GALNT11: variants seen among roughly 807,000 people sequenced by gnomAD.
The protein encoded by GALNT11 is polypeptide N-acetylgalactosaminyltransferase 11, also known as UDP-GalNAc:polypeptide N-acetylgalactosaminyltransferase 11.
GALNT11 carries 47 observed loss-of-function variants against 72.7 expected under a neutral mutation model. The ratio of observed to expected loss-of-function variants is 0.65; its 90% CI spans 0.51 to 0.82. The LOEUF is 0.82. GALNT11 is among the 40% of genes least tolerant of loss of function. The pLI is 0.00. For missense variants in GALNT11, 677 were observed against 778.4 expected (o/e 0.87, Z 1.55); for synonymous variants, 270 against 286.6 (o/e 0.94, Z 0.58).
chr7:152,072,487 G>A (rs144122707), intron 1 of GALNT11, among the ~76,000 whole-genome samples: 22 of 152,262 alleles, frequency 1.4e-4, no homozygotes, highest in African/African-American at 5.1e-4. Context: ...TGTAGCAAAT[G>A]TGACAGAATA....
At chr7:152,039,189 C>A (rs1208969654) in intron 1 of GALNT11, among the ~76,000 whole-genome samples, 1 of 152,176 alleles carries the variant, frequency 6.6e-6, no homozygotes, top group Non-Finnish European at 1.5e-5. Flanking sequence ...CCTAGGGGAC[C>A]AATCAATTCC....
chr7:152,053,823 C>T (rs1268906396), intron 1 of GALNT11, among the ~76,000 whole-genome samples: 2 of 152,114 alleles, frequency 1.3e-5, no homozygotes, highest in Admixed American at 1.3e-4. Flanking sequence ...AATAAATAAA[C>T]CTTTTGTCTG....
Position 152,100,878 on chromosome 7 carries a change from C to G in GALNT11, c.376C>G (p.Arg126Gly). The change falls in exon 3 of 12, where the codon CGC becomes GGC. Residue 126 changes from arginine to glycine, a missense_variant. By Grantham distance (125) the Arg-to-Gly change is moderately radical. Coordinates refer to ENST00000430044, the MANE Select transcript of GALNT11 (RefSeq NM_022087.4). ...TGCTTTTAATATGCTTATCAGTGAC[C>G]GCTTGGGCTACCACAGAGATGTGCC... ...KHAFNMLISD[R>G]LGYHRDVPDT... 6.2e-7 allele frequency: 1 copy of G among 1,613,856 alleles called. No homozygotes were observed. Among genetic ancestry groups the G allele is most frequent in the East Asian group, 2.2e-5 (1 of 44,870 alleles).
intron 2 of GALNT11, among the ~76,000 whole-genome samples, chr7:152,095,264 A>G (rs117091536): frequency 1.3e-5 from 2 of 152,010 alleles, no homozygotes; most frequent in Non-Finnish European, 2.9e-5. Context: ...GAATACTGCA[A>G]TTTTAGAGTG....
intron 1 of GALNT11, among the ~76,000 whole-genome samples, chr7:152,091,333 C>G (rs555358631): frequency 1.4e-4 from 21 of 151,988 alleles, no homozygotes; most frequent in Non-Finnish European, 2.8e-4. Context: ...CTCCCCCTCC[C>G]GGGTTCAAGC....
At chr7:152,062,926 C>CT (rs1436578239) in intron 1 of GALNT11, among the ~76,000 whole-genome samples, 3 of 152,116 alleles carry the variant, frequency 2.0e-5, no homozygotes, top group Admixed American at 2.0e-4. Context: ...CTAAAATTCT[C>CT]TTTTTTTGTT....
At chr7:152,027,909 G>T (rs1177891027) in intron 1 of GALNT11, among the ~76,000 whole-genome samples, 1 of 117,156 alleles carries the variant, frequency 8.5e-6, no homozygotes, top group Non-Finnish European at 1.5e-5. Flanking sequence ...CTCCCAGTGG[G>T]TTCATGAGCT....
Position 152,120,858 on chromosome 7 carries a change from T to C in GALNT11, c.1585T>C (p.Leu529=). Residue 529 remains leucine, a synonymous_variant, in exon 11 of 12, where the codon TTG becomes CTG. Coordinates refer to ENST00000430044, the MANE Select transcript of GALNT11 (RefSeq NM_022087.4). Reference sequence around the variant, plus strand: ...CTGGATCTATAATGAAGAGCATGAATTGGTTTTAAATAGTCTCCTTTGTCT... The same window carrying C: ...CTGGATCTATAATGAAGAGCATGAACTGGTTTTAAATAGTCTCCTTTGTCT... ...QIWIYNEEHE[L]VLNSLLCLDM... The C allele has an allele frequency of 2.5e-6, 4 of 1,610,162 alleles. No individual in the cohort carries two copies. The highest frequency in any genetic ancestry group is 2.5e-6 in the Non-Finnish European group (3 of 1,176,716).
chr7:152,038,777 C>T (rs1165528049), intron 1 of GALNT11, among the ~76,000 whole-genome samples: 1 of 152,166 alleles, frequency 6.6e-6, no homozygotes, highest in African/African-American at 2.4e-5. Context: ...TGTTTTTCTC[C>T]ATTTGAATAG....
At chr7:152,087,335 T>A (rs2085714370) in intron 1 of GALNT11, among the ~76,000 whole-genome samples, 1 of 152,162 alleles carries the variant, frequency 6.6e-6, no homozygotes, top group Admixed American at 6.5e-5. Flanking sequence ...GTGAAAGAAG[T>A]CATCATGAAA....
At chr7:152,080,769 C>T (rs1383162909) in intron 1 of GALNT11, among the ~76,000 whole-genome samples, 1 of 151,942 alleles carries the variant, frequency 6.6e-6, no homozygotes, top group Non-Finnish European at 1.5e-5. Flanking sequence ...CAAGACCAGC[C>T]TGTCCAACAT....
At chr7:152,105,147 T>A (rs1224168279) in intron 4 of GALNT11, 98 bp from the exon 5 acceptor site, 2 of 1,309,990 alleles carry the variant, frequency 1.5e-6, no homozygotes, top group Non-Finnish European at 2.1e-6. Flanking sequence ...TAGTTTGTTG[T>A]AAATTTTAGC....
At chr7:152,068,723 T>G (rs1316539422) in intron 1 of GALNT11, among the ~76,000 whole-genome samples, 1 of 152,130 alleles carries the variant, frequency 6.6e-6, no homozygotes, top group Non-Finnish European at 1.5e-5. Context: ...CTTTTTTTGA[T>G]CTTTTTAAAG....
At chr7:152,100,294 G>A (rs1228337494) in intron 2 of GALNT11, among the ~76,000 whole-genome samples, 4 of 152,020 alleles carry the variant, frequency 2.6e-5, no homozygotes, top group Admixed American at 6.6e-5. Flanking sequence ...GTGGCCGGGC[G>A]TGGTGTCTCA....
intron 1 of GALNT11, among the ~76,000 whole-genome samples, chr7:152,060,967 A>G (rs911607980): frequency 2.0e-5 from 3 of 152,244 alleles, no homozygotes; most frequent in Non-Finnish European, 4.4e-5. Context: ...AGCATGATTT[A>G]TAATCCTTTG....
At chr7:152,030,391 T>G (rs886357992) in intron 1 of GALNT11, among the ~76,000 whole-genome samples, 16 of 152,156 alleles carry the variant, frequency 1.1e-4, no homozygotes, top group Admixed American at 3.3e-4. Context: ...TATGGCCTGG[T>G]TTTTCCTAGG....
chr7:152,099,814 G>T (rs1371122454), intron 2 of GALNT11, among the ~76,000 whole-genome samples: 2 of 145,464 alleles, frequency 1.4e-5, no homozygotes, highest in African/African-American at 5.1e-5. Context: ...ACCCAGGCTG[G>T]AGTGCAGTGG....
intron 1 of GALNT11, among the ~76,000 whole-genome samples, chr7:152,061,236 A>G (rs2083996532): frequency 6.6e-6 from 1 of 151,980 alleles, no homozygotes; most frequent in South Asian, 2.1e-4. Context: ...GATGATGAGC[A>G]TTTTTTCATG....
At chr7:152,033,538 T>C (rs995530966) in intron 1 of GALNT11, among the ~76,000 whole-genome samples, 2 of 152,338 alleles carry the variant, frequency 1.3e-5, no homozygotes, top group South Asian at 2.1e-4. Context: ...AACAAACTTA[T>C]ATTTTACAAT....
Sources: gnomAD v4.1 joint callset for allele counts (sites outside exome capture counted in the v4.1 genomes callset) on GRCh38, gnomAD v4.1.1 for gene constraint, MANE v1.5 for transcripts, NCBI Gene and HGNC (gene_info 2026-07-23, HGNC 2026-07-21) for gene names.